UGT8: variants seen among roughly 807,000 people sequenced by gnomAD.
UGT8 encodes the protein UDP glycosyltransferase 8.
In UGT8, 12 loss-of-function variants were observed where a neutral mutation model predicts 40.5. The observed-to-expected ratio is 0.30, with a 90% CI of 0.19 to 0.48. UGT8 has a LOEUF of 0.48. UGT8 is among the 20% of genes least tolerant of loss of function. UGT8 has a pLI of 0.99. For synonymous variants in UGT8, 224 were observed against 240.4 expected, an observed-to-expected ratio of 0.93 and a Z score of 0.63; for missense variants, 513 against 648.7, an observed-to-expected ratio of 0.79 and a Z score of 2.27.
chr4:114,606,294 A>C (rs976011743), intron 1 of UGT8, among the ~76,000 whole-genome samples: 1 of 152,144 alleles, frequency 6.6e-6, no homozygotes, highest in Admixed American at 6.6e-5. Context: ...CAACGGAATG[A>C]GTGATTCAGT....
chr4:114,644,695 T>C (rs899848201), intron 2 of UGT8, among the ~76,000 whole-genome samples: 4 of 152,298 alleles, frequency 2.6e-5, no homozygotes, highest in Admixed American at 6.5e-5. Context: ...TTTTGCTGCC[T>C]AAAATGTTCT....
chr4:114,657,886 CAGAG>C (rs1734285396), intron 2 of UGT8, among the ~76,000 whole-genome samples: 1 of 152,126 alleles, frequency 6.6e-6, no homozygotes, highest in South Asian at 2.1e-4. Flanking sequence ...AGCTGGGCCT[CAGAG>C]AGAATAGGTG....
chr4:114,623,300 T>C lies in UGT8; in HGVS notation c.420T>C (p.Asn140=). The C allele has an allele frequency of 1.2e-6, 2 of 1,614,060 alleles. No homozygotes were observed. Among genetic ancestry groups the C allele is most frequent in the Admixed American group, 1.7e-5 (1 of 60,022 alleles). The change falls in exon 2 of 6, where the codon AAT becomes AAC. Residue 140 remains asparagine, a synonymous_variant. Coordinates refer to ENST00000310836, the MANE Select transcript of UGT8 (RefSeq NM_001128174.3). ...EKFDLLLVDP[N]DMCGFVIAHL... is the part of the protein sequence containing the mutation. ...TTGACCTGCTGCTGGTGGACCCTAATGATATGTGTGGATTTGTGATAGCTC... is the reference window on the plus strand; with the variant it reads ...TTGACCTGCTGCTGGTGGACCCTAACGATATGTGTGGATTTGTGATAGCTC...
At chr4:114,602,174 T>G (rs751008591) in intron 1 of UGT8, among the ~76,000 whole-genome samples, 1 of 152,232 alleles carries the variant, frequency 6.6e-6, no homozygotes, top group African/African-American at 2.4e-5. Context: ...TTGGTGTTTC[T>G]GAGAAACTGA....
rs942959835 is a variant in UGT8, at chr4:114,626,630, C to G, written c.822+2928C>G. Among the ~76,000 whole-genome samples the G allele has an allele frequency of 2.6e-5, 4 of 152,182 alleles. No homozygotes were observed. The South Asian group carries it at 6.2e-4, about 24-fold the overall frequency. On this transcript the variant is annotated intron_variant, in intron 2 of 5. Coordinates refer to ENST00000310836, the MANE Select transcript of UGT8 (RefSeq NM_001128174.3). ...AGAATAGAGATAGGGAATAGTCCAT[C>G]CATTTCTCACATAGTAGATACAAAG...
chr4:114,657,703 T>G (rs1399071581), intron 2 of UGT8, among the ~76,000 whole-genome samples: 2 of 152,186 alleles, frequency 1.3e-5, no homozygotes, highest in Non-Finnish European at 2.9e-5. Context: ...TTTTTTTCCT[T>G]TTCTCAATGT....
chr4:114,656,807 C>T (rs753233284), intron 2 of UGT8: 1 of 523,282 alleles, frequency 1.9e-6, no homozygotes, highest in Admixed American at 2.0e-5. Context: ...GAATCTGAGG[C>T]CAGGTTTCAA....
At chr4:114,614,911 C>T (rs894952865) in intron 1 of UGT8, among the ~76,000 whole-genome samples, 1 of 117,080 alleles carries the variant, frequency 8.5e-6, no homozygotes, top group African/African-American at 3.3e-5. Context: ...TTTCTGAATT[C>T]TTTCTTCTCC....
chr4:114,617,895 C>T (rs1220512261), intron 1 of UGT8, among the ~76,000 whole-genome samples: 1 of 152,104 alleles, frequency 6.6e-6, no homozygotes, highest in Admixed American at 6.5e-5. Context: ...GATGTGCCAG[C>T]TGAAAGCTGT....
intron 5 of UGT8, among the ~76,000 whole-genome samples, chr4:114,669,838 A>C (rs909959297): frequency 1.3e-5 from 2 of 152,240 alleles, no homozygotes; most frequent in Non-Finnish European, 2.9e-5. Flanking sequence ...TTTTGTGCAT[A>C]GAAAGATGTC....
intron 2 of UGT8, among the ~76,000 whole-genome samples, chr4:114,633,837 G>A (rs1403420358): frequency 6.6e-6 from 1 of 152,028 alleles, no homozygotes; most frequent in Non-Finnish European, 1.5e-5. Context: ...CCAGCTACTC[G>A]GGAGACTGAG....
intron 2 of UGT8, among the ~76,000 whole-genome samples, chr4:114,644,323 C>CT (rs1332549874): frequency 6.6e-6 from 1 of 152,172 alleles, no homozygotes; most frequent in Non-Finnish European, 1.5e-5. Flanking sequence ...ATATCTGATG[C>CT]TGGCAGTCAG....
intron 2 of UGT8, among the ~76,000 whole-genome samples, chr4:114,629,160 T>G (rs1732426378): frequency 6.6e-6 from 1 of 152,208 alleles, no homozygotes; most frequent in Non-Finnish European, 1.5e-5. Context: ...CATATGCAAT[T>G]TGTTATCTTA....
At chr4:114,608,680 T>TTC (rs1449704396) in intron 1 of UGT8, among the ~76,000 whole-genome samples, 2 of 152,194 alleles carry the variant, frequency 1.3e-5, no homozygotes, top group African/African-American at 4.8e-5. Flanking sequence ...TTAGTGGGTT[T>TTC]TCTTTTTTAA....
chr4:114,623,135 C>G lies in UGT8; in HGVS notation c.255C>G (p.Phe85Leu). 1 of 1,614,092 alleles carries G rather than the reference C, an allele frequency of 6.2e-7. No individual in the cohort carries two copies. Among genetic ancestry groups the G allele is most frequent in the Non-Finnish European group, 8.5e-7 (1 of 1,180,008 alleles). The change falls in exon 2 of 6, where the codon TTC becomes TTG. Residue 85 changes from phenylalanine to leucine, a missense_variant. Physicochemically the swap from Phe to Leu is conservative, Grantham distance 22. Transcript: ENST00000310836. Reference sequence around the variant, plus strand: ...TTAACAGTACCACCTCAGATGCTTTCCTACAGTCCAAGATGCGGAATATTT... The same window carrying G: ...TTAACAGTACCACCTCAGATGCTTTGCTACAGTCCAAGATGCGGAATATTT... Reference protein sequence around the residue: ...GIFNSTTSDAFLQSKMRNIFS... With the variant: ...GIFNSTTSDALLQSKMRNIFS...
chr4:114,629,629 A>T (rs1484198023), intron 2 of UGT8, among the ~76,000 whole-genome samples: 3 of 152,220 alleles, frequency 2.0e-5, no homozygotes, highest in Admixed American at 2.0e-4. Context: ...CTATCCAGGA[A>T]GTAAGTAAAT....
chr4:114,636,712 C>T (rs1389459931), intron 2 of UGT8, among the ~76,000 whole-genome samples: 1 of 151,964 alleles, frequency 6.6e-6, no homozygotes. Flanking sequence ...GCCCCCTCTC[C>T]CTTCCCCCAA....
At position 114,676,297 on chromosome 4, in the gene UGT8, C is replaced by T. The variant is rs9996273; in HGVS notation, c.*9C>T. 9,653 of 1,554,624 alleles carry T rather than the reference C, an allele frequency of 6.2e-3. 478 individuals carry two copies. In the African/African-American group the frequency reaches 0.11, roughly 18 times the overall value. ...AAAAGAAAGTGAAATGAGCCAACAG[C>T]CCAGGTGATAGAAATAAATTGGTTC... On this transcript the variant is annotated 3_prime_UTR_variant, in exon 6 of 6. Coordinates refer to ENST00000310836, the MANE Select transcript of UGT8 (RefSeq NM_001128174.3).
At chr4:114,621,946 A>G (rs1731822576) in intron 1 of UGT8, among the ~76,000 whole-genome samples, 1 of 151,158 alleles carries the variant, frequency 6.6e-6, no homozygotes, top group Non-Finnish European at 1.5e-5. Context: ...AATACTATAG[A>G]ATGCATTCTT....
Sources: allele counts gnomAD v4.1 joint callset (sites outside exome capture counted in the v4.1 genomes callset), GRCh38; gene constraint gnomAD v4.1.1; transcripts MANE v1.5; gene names NCBI Gene and HGNC (gene_info 2026-07-23, HGNC 2026-07-21).